The following DHX30 variants were observed in gnomAD, a reference collection of about 807,000 sequenced individuals.
DHX30 encodes DExH-box helicase 30.
A neutral mutation model predicts 116.9 loss-of-function variants in DHX30; 4 were observed. The observed-to-expected ratio is 0.03, with a 90% CI of 0.02 to 0.08. The LOEUF (loss-of-function observed/expected upper bound fraction) is 0.08, where lower values mean the gene tolerates loss of function less well. DHX30 is among the 10% of genes least tolerant of loss of function. The pLI, the probability that DHX30 is intolerant of heterozygous loss-of-function variation, is 1.00. For missense variants in DHX30, 871 were observed against 1,595.1 expected, an observed-to-expected ratio of 0.55 and a Z score of 7.73; for synonymous variants, 697 against 651.7, an observed-to-expected ratio of 1.07 and a Z score of -1.06.
chr3:47,822,656 G>T (rs550931954), intron 4 of DHX30, among the ~76,000 whole-genome samples: 1 of 152,036 alleles, frequency 6.6e-6, no homozygotes, highest in Non-Finnish European at 1.5e-5. Flanking sequence ...ATGGTGGCAC[G>T]TACCTGTAGT....
intron 3 of DHX30, among the ~76,000 whole-genome samples, chr3:47,817,190 G>A (rs555081108): frequency 2.6e-5 from 4 of 152,186 alleles, no homozygotes; most frequent in Non-Finnish European, 5.9e-5. Context: ...GGGGCAAAGA[G>A]AGCAAAGAGT....
In DHX30 at chr3:47,847,476, G is replaced by A. The variant is rs764390410; in HGVS notation, c.2050G>A (p.Val684Met). The stretch of plus-strand genomic sequence containing the variant: ...GCCTGGGTGGCAGGAGATCAAAGGA[G>A]TGCAGCAGCGCCTCCAGGAGGCCCT... The part of the protein sequence containing the change: ...FLPGWQEIKG[V>M]QQRLQEALGM... The change falls in exon 13 of 22, where the codon GTG becomes ATG. Residue 684 changes from valine to methionine, a missense_variant. By Grantham distance (21) the Val-to-Met change is conservative. This residue lies in a region of DHX30 where 49 missense variants were observed against 60.9 expected (regional missense o/e 0.80). Transcript: ENST00000445061. The surrounding 1 kb of genome is among the most constrained non-coding windows in gnomAD (Gnocchi z 5.5). 1 of 1,613,294 alleles carries A rather than the reference G, an allele frequency of 6.2e-7. No homozygotes were observed. Among genetic ancestry groups the A allele is most frequent in the Non-Finnish European group, 8.5e-7 (1 of 1,179,466 alleles).
intron 3 of DHX30, among the ~76,000 whole-genome samples, chr3:47,817,299 C>T (rs1470881445): frequency 6.6e-6 from 1 of 152,210 alleles, no homozygotes; most frequent in Non-Finnish European, 1.5e-5. Flanking sequence ...TATATTTCCA[C>T]CTTCCTTACC....
intron 3 of DHX30, chr3:47,816,705 A>G (rs1159103621): frequency 5.1e-6 from 5 of 985,474 alleles, no homozygotes; most frequent in Non-Finnish European, 6.0e-6. Flanking sequence ...GAGGAAGCCC[A>G]GGTGGAGGTG....
intron 6 of DHX30, among the ~76,000 whole-genome samples, chr3:47,833,187 A>G (rs1323537089): frequency 1.3e-5 from 2 of 152,028 alleles, no homozygotes; most frequent in African/African-American, 4.8e-5. Flanking sequence ...TATTCAAGCA[A>G]ATTAACATAT....
Position 47,847,668 on chromosome 3 carries a change from TTTATCTGCGCCTGTTTCATCAAA to T in DHX30, c.2111-112_2111-90del. ...GTGGCACTTTTCACTGGGCATAGTG[TTTATCTGCGCCTGTTTCATCAAA>T]ATGGGGTCAAAATCCTTGCCCTGCC... On this transcript the variant is annotated intron_variant, in intron 13 of 21. Transcript: ENST00000445061. This position sits in a 1 kb window ranked among gnomAD's most constrained non-coding sequence, Gnocchi z 5.5. The T allele has an allele frequency of 1.4e-6, 2 of 1,477,106 alleles. No homozygotes were observed. The highest frequency in any genetic ancestry group is 1.8e-6 in the Non-Finnish European group (2 of 1,098,822). 91.5% of individuals were successfully genotyped at this position (1,477,106 alleles called of 1,614,324 possible).
At chr3:47,824,700 G>C (rs1011976846) in intron 4 of DHX30, 6 of 227,706 alleles carry the variant, frequency 2.6e-5, no homozygotes, top group African/African-American at 1.1e-4. Context: ...GTAGGACCTA[G>C]AGGGAACTAA....
Position 47,840,975 on chromosome 3 carries a change from T to C in DHX30, c.465T>C (p.Arg155=). The part of the protein sequence containing the change: ...RFGSPADSWW[R]PEPTMPPTSW... ...GCTCCCCTGCCGACAGCTGGTGGCG[T>C]CCGGAACCCACCATGCCCCCTACTT... The change falls in exon 7 of 22, where the codon CGT becomes CGC. Residue 155 remains arginine (R), a synonymous_variant. Coordinates refer to ENST00000445061, the MANE Select transcript of DHX30 (RefSeq NM_138615.3). The C allele has an allele frequency of 1.2e-6, 2 of 1,614,150 alleles. 1 individual carries two copies. Among genetic ancestry groups the C allele is most frequent in the South Asian group, 2.2e-5 (2 of 91,080 alleles).
intron 2 of DHX30, among the ~76,000 whole-genome samples, chr3:47,807,157 G>A (rs567208923): frequency 6.6e-6 from 1 of 151,278 alleles, no homozygotes; most frequent in South Asian, 2.1e-4. Flanking sequence ...AGTGAGCAGA[G>A]ATCATGCCAT....
intron 4 of DHX30, chr3:47,822,431 T>C (rs1203487473): frequency 1.3e-5 from 2 of 151,750 alleles, no homozygotes; most frequent in African/African-American, 4.8e-5. Flanking sequence ...ACAACCATGG[T>C]GAAAGGCAAA....
At chr3:47,827,818 A>C (rs1454016652) in intron 5 of DHX30, among the ~76,000 whole-genome samples, 2 of 152,174 alleles carry the variant, frequency 1.3e-5, no homozygotes, top group African/African-American at 2.4e-5. Flanking sequence ...CCATAGAAGC[A>C]TGCCAGCAAA....
chr3:47,844,890 A>G (rs2037532127), intron 9 of DHX30, among the ~76,000 whole-genome samples: 1 of 152,130 alleles, frequency 6.6e-6, no homozygotes, highest in South Asian at 2.1e-4. Flanking sequence ...TCTGTATATG[A>G]TGGGGTCACA....
chr3:47,838,624 T>G (rs531311934), intron 6 of DHX30, among the ~76,000 whole-genome samples: 1 of 152,222 alleles, frequency 6.6e-6, no homozygotes, highest in Non-Finnish European at 1.5e-5. Flanking sequence ...GAAAGCTCAC[T>G]GTAGAGAGGT....
Position 47,809,610 on chromosome 3 carries a change from A to G in DHX30, c.-27-1047A>G, listed in dbSNP as rs137919733. On this transcript the variant is annotated intron_variant, in intron 2 of 21. Coordinates refer to ENST00000445061, the MANE Select transcript of DHX30 (RefSeq NM_138615.3). ...TGTATTGAAGTTTTCTCTGTGATATACCATATCCTATGGGCTGAAATTTCC... is the reference window on the plus strand; with the variant it reads ...TGTATTGAAGTTTTCTCTGTGATATGCCATATCCTATGGGCTGAAATTTCC... 1.0e-3 allele frequency among the ~76,000 whole-genome samples: 156 copies of G among 152,204 alleles called. 5 individuals carry two copies. In the East Asian group the frequency reaches 0.029, roughly 28 times the overall value.
chr3:47,835,091 C>T (rs900472866), intron 6 of DHX30, among the ~76,000 whole-genome samples: 8 of 151,790 alleles, frequency 5.3e-5, no homozygotes, highest in African/African-American at 1.9e-4. Context: ...GCAGCCTCTG[C>T]CTCCTGGGTT....
At position 47,846,429 on chromosome 3, in the gene DHX30, G is replaced by T. The variant is rs1184601897; in HGVS notation, c.1357G>T (p.Val453Leu). 1 of 1,614,032 alleles carries T rather than the reference G, an allele frequency of 6.2e-7. No individual in the cohort carries two copies. Among genetic ancestry groups the T allele is most frequent in the African/African-American group, 1.3e-5 (1 of 74,960 alleles). The stretch of plus-strand genomic sequence containing the variant: ...CAACGCCATTGAGCAGCACCCGGTG[G>T]TGGTCATCTCTGGGGACACGGGCTG... ...ILNAIEQHPV[V>L]VISGDTGCGK... The change falls in exon 11 of 22, where the codon GTG (valine) becomes TTG (leucine). Residue 453 changes from valine (V) to leucine (L), a missense_variant. Transcript: ENST00000445061.
intron 2 of DHX30, among the ~76,000 whole-genome samples, chr3:47,805,974 C>T (rs893550913): frequency 1.3e-5 from 2 of 151,934 alleles, no homozygotes; most frequent in African/African-American, 2.4e-5. Flanking sequence ...CTGTAAATTA[C>T]TTAAGAGACA....
intron 3 of DHX30, among the ~76,000 whole-genome samples, chr3:47,814,232 C>T (rs2035936039): frequency 6.7e-6 from 1 of 148,740 alleles, no homozygotes; most frequent in Non-Finnish European, 1.5e-5. Context: ...CGAGACCAGC[C>T]TGGCCAACAT....
intron 4 of DHX30, among the ~76,000 whole-genome samples, chr3:47,820,946 T>TTTTATTTA (rs538102799): frequency 2.0e-5 from 3 of 151,358 alleles, no homozygotes; most frequent in Admixed American, 6.6e-5. Context: ...TTCTTTCTAT[T>TTTTATTTA]TTTATTTATT....
Sources: allele counts gnomAD v4.1 joint callset (sites outside exome capture counted in the v4.1 genomes callset), GRCh38; gene constraint gnomAD v4.1.1; regional missense constraint gnomAD v4.1.1; non-coding constraint Gnocchi (gnomAD v3.1); transcripts MANE v1.5; gene names NCBI Gene and HGNC (gene_info 2026-07-23, HGNC 2026-07-21).